Variants in TFAP2D observed in about 807,000 individuals in gnomAD.
TFAP2D encodes transcription factor AP-2-delta.
Under a neutral mutation model 43.6 loss-of-function variants are expected in TFAP2D, and 9 were observed. The ratio of observed to expected loss-of-function variants is 0.21; its 90% CI spans 0.12 to 0.36. The LOEUF is 0.36. TFAP2D is among the 10% of genes least tolerant of loss of function. The pLI, the probability that TFAP2D is intolerant of heterozygous loss-of-function variation, is 1.00. For synonymous variants in TFAP2D, 256 were observed against 224.9 expected, an observed-to-expected ratio of 1.14 and a Z score of -1.24; for missense variants, 513 against 561.4, an observed-to-expected ratio of 0.91 and a Z score of 0.87.
intron 5 of TFAP2D, among the ~76,000 whole-genome samples, chr6:50,739,871 C>T (rs1164618606): frequency 6.6e-6 from 1 of 152,134 alleles, no homozygotes; most frequent in African/African-American, 2.4e-5. Context: ...CACTTTGAAA[C>T]ACAAAGTGTT....
intron 3 of TFAP2D, among the ~76,000 whole-genome samples, chr6:50,723,559 T>C (rs1768763042): frequency 6.6e-6 from 1 of 152,176 alleles, no homozygotes. Flanking sequence ...GAGCCAGAGA[T>C]ACACCTCAAG....
At chr6:50,733,173 G>T (rs1192201072) in intron 5 of TFAP2D, among the ~76,000 whole-genome samples, 2 of 151,982 alleles carry the variant, frequency 1.3e-5, no homozygotes, top group African/African-American at 4.8e-5. Context: ...GGGGATTTTG[G>T]GGGGTCTACA....
At chr6:50,761,992 G>T (rs1205933549) in intron 7 of TFAP2D, among the ~76,000 whole-genome samples, 1 of 152,082 alleles carries the variant, frequency 6.6e-6, no homozygotes, top group Non-Finnish European at 1.5e-5. Context: ...GGAATTTTCT[G>T]ATAGGTCCTC....
At chr6:50,733,530 G>A (rs1372155296) in intron 5 of TFAP2D, among the ~76,000 whole-genome samples, 2 of 151,996 alleles carry the variant, frequency 1.3e-5, no homozygotes, top group Non-Finnish European at 2.9e-5. Context: ...CTTCTAGAGT[G>A]GAAACTATTC....
At chr6:50,715,901 G>A (rs547259059) in intron 2 of TFAP2D, among the ~76,000 whole-genome samples, 1 of 152,158 alleles carries the variant, frequency 6.6e-6, no homozygotes, top group Non-Finnish European at 1.5e-5. Context: ...CTCCATCTTT[G>A]GTTTGTCCTC....
chr6:50,727,643 T>C (rs9296637), intron 3 of TFAP2D, among the ~76,000 whole-genome samples: 53,472 of 152,080 alleles, frequency 0.35, 9,953 homozygotes, highest in African/African-American at 0.47. Context: ...TCTTCTCCCA[T>C]CTACTTTTTT....
intron 3 of TFAP2D, among the ~76,000 whole-genome samples, chr6:50,719,495 A>AAGAAAGAAAGAAAGAC (rs1554151965): frequency 1.4e-4 from 18 of 132,618 alleles, no homozygotes; most frequent in African/African-American, 4.9e-4. Flanking sequence ...GAAAGAAAGA[A>AAGAAAGAAAGAAAGAC]AGAAAGAAGT....
intron 7 of TFAP2D, among the ~76,000 whole-genome samples, chr6:50,758,380 C>T (rs1769319018): frequency 6.6e-6 from 1 of 151,998 alleles, no homozygotes; most frequent in African/African-American, 2.4e-5. Context: ...CTATCTTTGA[C>T]AACTCTATTA....
chr6:50,745,127 C>G lies in TFAP2D; in HGVS notation c.904C>G (p.Arg302Gly), dbSNP rs759486102. Residue 302 changes from arginine (R) to glycine (G), a missense_variant, in exon 6 of 8, where the codon CGG (arginine) becomes GGG (glycine). Arg to Gly is a moderately radical substitution (Grantham distance 125, BLOSUM62 -2). Around this residue, in one of 3 missense-constraint regions of TFAP2D, gnomAD observed 199 missense variants for 227.9 expected, o/e 0.87. Coordinates refer to ENST00000008391, the MANE Select transcript of TFAP2D (RefSeq NM_172238.4). ...AACAGGGGAGGCTTTGCACTTGGCTCGGGATTTTGGCTACACTTGTGAAAC... is the reference window on the plus strand; with the variant it reads ...AACAGGGGAGGCTTTGCACTTGGCTGGGGATTTTGGCTACACTTGTGAAAC... Reference protein sequence around the residue: ...LVEGEALHLARDFGYTCETEF... With the variant: ...LVEGEALHLAGDFGYTCETEF... 3.1e-6 allele frequency: 5 copies of G among 1,613,482 alleles called. No individual in the cohort carries two copies. Among genetic ancestry groups the G allele is most frequent in the Non-Finnish European group, 4.2e-6 (5 of 1,179,728 alleles).
Position 50,730,421 on chromosome 6 carries a change from TTG to T in TFAP2D, c.883+1113_883+1114del, listed in dbSNP as rs148932239. 3.9e-5 allele frequency among the ~76,000 whole-genome samples: 6 copies of T among 152,114 alleles called. No individual in the cohort carries two copies. The East Asian group carries it at 1.2e-3, about 29-fold the overall frequency. On this transcript the variant is annotated intron_variant, in intron 5 of 7. Transcript: ENST00000008391. ...CTATTACCATGTTCTAGGTCTTGTG[TTG>T]TGTTTGCCTGCGTGTGCTGGTACTA...
At chr6:50,736,506 A>G (rs1045796726) in intron 5 of TFAP2D, among the ~76,000 whole-genome samples, 1 of 152,196 alleles carries the variant, frequency 6.6e-6, no homozygotes, top group Non-Finnish European at 1.5e-5. Context: ...TCAGTATTCA[A>G]AAATTGGTTT....
At chr6:50,741,337 T>C (rs1421466865) in intron 5 of TFAP2D, among the ~76,000 whole-genome samples, 5 of 152,154 alleles carry the variant, frequency 3.3e-5, no homozygotes, top group Non-Finnish European at 7.4e-5. Context: ...GTTTGTTACA[T>C]AGATAAATTT....
intron 3 of TFAP2D, among the ~76,000 whole-genome samples, chr6:50,720,521 A>T (rs1209403143): frequency 6.6e-6 from 1 of 151,500 alleles, no homozygotes; most frequent in African/African-American, 2.4e-5. Context: ...ACACACACAC[A>T]CACACACACA....
At chr6:50,768,176 T>C (rs1477462386) in intron 7 of TFAP2D, among the ~76,000 whole-genome samples, 1 of 152,046 alleles carries the variant, frequency 6.6e-6, no homozygotes, top group African/African-American at 2.4e-5. Context: ...GTTTGAAGAT[T>C]TGACTATAGT....
At chr6:50,747,797 C>T (rs547629518) in intron 6 of TFAP2D, among the ~76,000 whole-genome samples, 43 of 152,004 alleles carry the variant, frequency 2.8e-4, no homozygotes, top group Non-Finnish European at 5.0e-4. Context: ...CATCTATTTT[C>T]GGGTAGCGTA....
intron 2 of TFAP2D, among the ~76,000 whole-genome samples, chr6:50,716,676 C>G (rs1768633111): frequency 6.6e-6 from 1 of 152,162 alleles, no homozygotes; most frequent in Non-Finnish European, 1.5e-5. Context: ...GAAAATAATT[C>G]AAAAGACCCA....
At chr6:50,715,680 A>G in intron 2 of TFAP2D, 67 bp downstream of exon 2, 1 of 1,496,018 alleles carries the variant, frequency 6.7e-7, no homozygotes, top group Non-Finnish European at 8.9e-7. Context: ...CGCCCCATTA[A>G]TGCTCCGACT....
chr6:50,771,450 G>A (rs1221512989), intron 7 of TFAP2D, among the ~76,000 whole-genome samples: 1 of 152,210 alleles, frequency 6.6e-6, no homozygotes, highest in African/African-American at 2.4e-5. Flanking sequence ...CCAGATTAAA[G>A]TGCATTACTA....
In TFAP2D at chr6:50,715,425, C is replaced by A; in HGVS notation, c.349C>A (p.His117Asn). Residue 117 changes from histidine (H) to asparagine (N), a missense_variant, in exon 2 of 8, where the codon CAC (histidine) becomes AAC (asparagine). His to Asn is a moderately conservative substitution (Grantham distance 68). Coordinates refer to ENST00000008391, the MANE Select transcript of TFAP2D (RefSeq NM_172238.4). ...GGAGCCCACCGACTTTATTAACCTG[C>A]ACAATGCGCGGGCGCTCAAGTCGTC... is the stretch of plus-strand genomic sequence containing the variant. ...HGEPTDFINL[H>N]NARALKSSCL... 6.2e-7 allele frequency: 1 copy of A among 1,614,156 alleles called. No homozygotes were observed. The highest frequency in any genetic ancestry group is 1.6e-4 in the Middle Eastern group (1 of 6,062).
Sources: allele counts gnomAD v4.1 joint callset (sites outside exome capture counted in the v4.1 genomes callset), GRCh38; gene constraint gnomAD v4.1.1; regional missense constraint gnomAD v4.1.1; transcripts MANE v1.5; gene names NCBI Gene and HGNC (gene_info 2026-07-23, HGNC 2026-07-21).